Variants in PARD3B observed in about 807,000 individuals in gnomAD.
PARD3B encodes partitioning defective 3 homolog B.
In PARD3B, 103 loss-of-function variants were observed where a neutral mutation model predicts 130.2. The ratio of observed to expected loss-of-function variants is 0.79; its 90% CI spans 0.67 to 0.93. The LOEUF (loss-of-function observed/expected upper bound fraction) is 0.93, where lower values mean the gene tolerates loss of function less well. PARD3B is among the 40% of genes least tolerant of loss of function. PARD3B has a pLI of 0.00. For synonymous variants in PARD3B, 583 were observed against 553.2 expected (o/e 1.05, Z -0.76); for missense variants, 1,609 against 1,499.2 (o/e 1.07, Z -1.21).
chr2:205,231,090 G>A (rs561337485), intron 15 of PARD3B, among the ~76,000 whole-genome samples: 35 of 152,182 alleles, frequency 2.3e-4, no homozygotes, highest in African/African-American at 8.4e-4. Flanking sequence ...GTGATATGAA[G>A]TAAAAGTGGT....
At chr2:204,798,081 C>T (rs1321492766) in intron 2 of PARD3B, among the ~76,000 whole-genome samples, 1 of 152,232 alleles carries the variant, frequency 6.6e-6, no homozygotes, top group Non-Finnish European at 1.5e-5. Flanking sequence ...TCATAAGAAT[C>T]AAAAATCAGG....
intron 4 of PARD3B, among the ~76,000 whole-genome samples, chr2:205,087,997 A>G (rs1237755614): frequency 6.6e-6 from 1 of 152,220 alleles, no homozygotes; most frequent in Admixed American, 6.5e-5. Flanking sequence ...ATTCTAGTTC[A>G]CAGCAGTTTT....
At position 205,130,254 on chromosome 2, in the gene PARD3B, G is replaced by C. The variant is rs1014125382; in HGVS notation, c.1434+4517G>C. On this transcript the variant is annotated intron_variant, in intron 10 of 22. Transcript: ENST00000406610. ...TTTGGTAATAGATTTAGAATCTGAA[G>C]GCTAAACTGCTGTGTCTGTGTCTAT... 1.3e-5 allele frequency among the ~76,000 whole-genome samples: 2 copies of C among 152,132 alleles called. 1 individual carries two copies. The highest frequency in any genetic ancestry group is 4.1e-4 in the South Asian group (2 of 4,832).
At chr2:204,866,717 G>A (rs2045433373) in intron 2 of PARD3B, among the ~76,000 whole-genome samples, 1 of 151,680 alleles carries the variant, frequency 6.6e-6, no homozygotes, top group African/African-American at 2.4e-5. Context: ...ATGTATATGT[G>A]TGTGTGTGTA....
chr2:205,002,590 A>G (rs1478479120), intron 3 of PARD3B, among the ~76,000 whole-genome samples: 1 of 151,992 alleles, frequency 6.6e-6, no homozygotes, highest in African/African-American at 2.4e-5. Flanking sequence ...ATCTACCTCA[A>G]CAGCTCCAGA....
intron 2 of PARD3B, among the ~76,000 whole-genome samples, chr2:204,766,969 T>TCACA: frequency 7.2e-6 from 1 of 139,510 alleles, no homozygotes; most frequent in South Asian, 2.4e-4. Flanking sequence ...CTTTTTCTTT[T>TCACA]TTTTTTTTTT....
intron 19 of PARD3B, among the ~76,000 whole-genome samples, chr2:205,413,305 C>T (rs531382075): frequency 1.7e-4 from 26 of 152,224 alleles, no homozygotes; most frequent in African/African-American, 5.8e-4. Flanking sequence ...TGCATGGAAT[C>T]GTAGATGTTT....
intron 15 of PARD3B, among the ~76,000 whole-genome samples, chr2:205,224,517 A>C (rs900291964): frequency 1.1e-4 from 16 of 149,332 alleles, no homozygotes; most frequent in Non-Finnish European, 2.1e-4. Flanking sequence ...CATCATTCCC[A>C]CTTCCCCACC....
chr2:205,378,046 C>T (rs1403658482), intron 18 of PARD3B, among the ~76,000 whole-genome samples: 1 of 152,116 alleles, frequency 6.6e-6, no homozygotes, highest in South Asian at 2.1e-4. Flanking sequence ...GCTGGGATTA[C>T]AGGCGTGAGT....
chr2:205,507,592 C>T (rs2050423116), intron 21 of PARD3B, among the ~76,000 whole-genome samples: 1 of 152,050 alleles, frequency 6.6e-6, no homozygotes, highest in Non-Finnish European at 1.5e-5. Context: ...ACCCAGACTC[C>T]ATAAATAAGG....
intron 21 of PARD3B, among the ~76,000 whole-genome samples, 193 bp from the exon 22 acceptor site, chr2:205,553,131 C>G (rs1378029106): frequency 6.6e-6 from 1 of 152,204 alleles, no homozygotes; most frequent in African/African-American, 2.4e-5. Flanking sequence ...AAAGAAGTGA[C>G]TTTGTTGTTA....
At chr2:205,140,927 T>G (rs1353420942) in intron 10 of PARD3B, among the ~76,000 whole-genome samples, 1 of 152,166 alleles carries the variant, frequency 6.6e-6, no homozygotes, top group Non-Finnish European at 1.5e-5. Context: ...AGTTTTGCAT[T>G]GCTGAAATAT....
At chr2:205,554,030 T>C (rs2052769430) in intron 22 of PARD3B, among the ~76,000 whole-genome samples, 1 of 152,168 alleles carries the variant, frequency 6.6e-6, no homozygotes, top group Admixed American at 6.5e-5. Flanking sequence ...GTGCTGTTAT[T>C]GGTGAGATGA....
Position 205,300,722 on chromosome 2 carries a change from A to G in PARD3B, c.2378A>G (p.Glu793Gly), listed in dbSNP as rs1286781277. Residue 793 changes from glutamate to glycine, a missense_variant, in exon 17 of 23, where the codon GAA (glutamate) becomes GGA (glycine). Physicochemically the swap from Glu to Gly is moderately conservative, Grantham distance 98. Coordinates refer to ENST00000406610, the MANE Select transcript of PARD3B (RefSeq NM_001302769.2). The surrounding 1 kb of genome is among the most constrained non-coding windows in gnomAD (Gnocchi z 4.1). ...ATTGACAAATCCTACGATGGACCTGAAGAAATAGAAGCTGGTAGGATGATA... is the reference window on the plus strand; with the variant it reads ...ATTGACAAATCCTACGATGGACCTGGAGAAATAGAAGCTGGTAGGATGATA... Reference protein sequence around the residue: ...AAIDKSYDGPEEIEADGLSDK... With the variant: ...AAIDKSYDGPGEIEADGLSDK... 5 of 1,610,724 alleles carry G rather than the reference A, an allele frequency of 3.1e-6. No individual in the cohort carries two copies. The Admixed American group carries it at 8.3e-5, about 27-fold the overall frequency.
At chr2:205,111,059 A>G (rs1703612044) in intron 5 of PARD3B, among the ~76,000 whole-genome samples, 1 of 152,098 alleles carries the variant, frequency 6.6e-6, no homozygotes, top group Non-Finnish European at 1.5e-5. Context: ...TCCATGGGGC[A>G]TTATTTTTCA....
intron 2 of PARD3B, among the ~76,000 whole-genome samples, chr2:204,823,749 G>C (rs2043459439): frequency 1.3e-5 from 2 of 152,090 alleles, no homozygotes; most frequent in South Asian, 4.1e-4. Context: ...AGACCAGCTG[G>C]ACCAGTATGG....
At chr2:204,837,130 G>A (rs1213367346) in intron 2 of PARD3B, among the ~76,000 whole-genome samples, 4 of 151,936 alleles carry the variant, frequency 2.6e-5, no homozygotes, top group Non-Finnish European at 4.4e-5. Context: ...ATACTTTCAC[G>A]TGAATTATTA....
chr2:204,692,501 CTTT>C (rs5837933), intron 2 of PARD3B, among the ~76,000 whole-genome samples: 1 of 149,216 alleles, frequency 6.7e-6, no homozygotes, highest in African/African-American at 2.5e-5. Flanking sequence ...AGTTAAACAG[CTTT>C]TTTTTTTTTA....
intron 2 of PARD3B, among the ~76,000 whole-genome samples, chr2:204,710,513 A>G (rs2038382775): frequency 6.6e-6 from 1 of 152,244 alleles, no homozygotes; most frequent in Non-Finnish European, 1.5e-5. Context: ...AGGCATGCTC[A>G]TGTGGTAGAA....
Sources: gnomAD v4.1 joint callset for allele counts (sites outside exome capture counted in the v4.1 genomes callset) on GRCh38, gnomAD v4.1.1 for gene constraint, Gnocchi (gnomAD v3.1) non-coding constraint, MANE v1.5 for transcripts, NCBI Gene and HGNC (gene_info 2026-07-23, HGNC 2026-07-21) for gene names.